Variants in DOCK8 observed in about 807,000 individuals in gnomAD.
DOCK8 encodes dedicator of cytokinesis 8.
In DOCK8, 141 loss-of-function variants were observed where a neutral mutation model predicts 245.6. That is an observed-to-expected ratio of 0.57 (90% CI 0.50 to 0.66). DOCK8 has a LOEUF of 0.66. Among genes scored for constraint, DOCK8 ranks in the 30% least tolerant of loss-of-function variants. DOCK8 has a pLI of 0.00. For missense variants in DOCK8, 2,965 were observed against 2,603.4 expected (o/e 1.14, Z -3.02); for synonymous variants, 1,168 against 970.2 (o/e 1.20, Z -3.79).
intron 46 of DOCK8, among the ~76,000 whole-genome samples, chr9:458,899 G>A (rs531174921): frequency 6.6e-6 from 1 of 152,276 alleles, no homozygotes; most frequent in African/African-American, 2.4e-5. Flanking sequence ...TATAAATGGA[G>A]GCCCCAAAAT....
intron 9 of DOCK8, among the ~76,000 whole-genome samples, chr9:330,495 G>A (rs908747639): frequency 5.9e-5 from 9 of 152,206 alleles, no homozygotes; most frequent in Admixed American, 5.9e-4. Context: ...TTCCTATTTT[G>A]CTACATTTGC....
chr9:388,464 C>G (rs573498599), intron 23 of DOCK8, among the ~76,000 whole-genome samples: 1 of 152,234 alleles, frequency 6.6e-6, no homozygotes, highest in South Asian at 2.1e-4. Flanking sequence ...TTCCTTTTGT[C>G]ATCTTTTAGT....
chr9:329,767 C>T (rs745363142), intron 9 of DOCK8, among the ~76,000 whole-genome samples: 3 of 152,124 alleles, frequency 2.0e-5, no homozygotes, highest in Non-Finnish European at 4.4e-5. Context: ...TTGATTAATC[C>T]GTCATATTCT....
chr9:323,218 CTTTT>C (rs1164158230), intron 7 of DOCK8, among the ~76,000 whole-genome samples: 26 of 67,236 alleles, frequency 3.9e-4, no homozygotes, highest in African/African-American at 8.3e-4. Flanking sequence ...AATCTACCAT[CTTTT>C]TTTTTTTTTT....
chr9:446,224 G>A (rs2057252846), intron 43 of DOCK8, 146 bp from the exon 44 acceptor site: 2 of 753,274 alleles, frequency 2.7e-6, no homozygotes, highest in African/African-American at 1.7e-5. Context: ...AACTTCTGCT[G>A]GCCACATTCT....
rs1427585904 is a variant in DOCK8 at position 332,429 on chromosome 9, G to C, written c.1076G>C (p.Gly359Ala). The C allele has an allele frequency of 1.1e-5, 18 of 1,613,292 alleles. No homozygotes were observed. Among genetic ancestry groups the C allele is most frequent in the Non-Finnish European group, 1.5e-5 (18 of 1,179,498 alleles). The stretch of plus-strand genomic sequence containing the variant: ...AAAGTCCTGCAGCAGGGAGAGATTG[G>C]AGACTGTGCAGAGCCCTACACGGTT... Reference protein sequence around the residue: ...IEKVLQQGEIGDCAEPYTVIK... With the variant: ...IEKVLQQGEIADCAEPYTVIK... Residue 359 changes from glycine (G) to alanine (A), a missense_variant, in exon 10 of 48, where the codon GGA becomes GCA. Gly to Ala is a moderately conservative substitution (Grantham distance 60). This residue lies in a region of DOCK8 where 2,825 missense variants were observed against 2,453.5 expected (regional missense o/e 1.15). Coordinates refer to ENST00000432829, the MANE Select transcript of DOCK8 (RefSeq NM_203447.4).
intron 5 of DOCK8, among the ~76,000 whole-genome samples, chr9:305,322 G>T (rs112977467): frequency 6.7e-6 from 1 of 149,900 alleles, no homozygotes; most frequent in Non-Finnish European, 1.5e-5. Context: ...TCGCTCTGTC[G>T]CCCAGGCTGG....
At chr9:371,872 A>G (rs549329068) in intron 17 of DOCK8, among the ~76,000 whole-genome samples, 3 of 152,358 alleles carry the variant, frequency 2.0e-5, no homozygotes, top group Admixed American at 2.0e-4. Context: ...TTGTCCCCCA[A>G]GAAGAAACCA....
chr9:263,099 C>G (rs947991503), intron 1 of DOCK8, among the ~76,000 whole-genome samples: 5 of 152,034 alleles, frequency 3.3e-5, no homozygotes, highest in South Asian at 2.1e-4. Context: ...CTCAGCTACT[C>G]AGGAGGCTGA....
chr9:234,742 C>T (rs2047206195), intron 1 of DOCK8, among the ~76,000 whole-genome samples: 1 of 152,176 alleles, frequency 6.6e-6, no homozygotes, highest in Non-Finnish European at 1.5e-5. Flanking sequence ...TGGTTTTCAG[C>T]TCCATCAGGT....
chr9:436,668 C>A lies in DOCK8; in HGVS notation c.5079+1693C>A, dbSNP rs145803663. Among the ~76,000 whole-genome samples, 462 of 152,310 alleles carry A rather than the reference C, an allele frequency of 3.0e-3. 2 individuals are homozygous for A. The highest frequency in any genetic ancestry group is 0.011 in the African/African-American group (446 of 41,572). ...CTAATAATGACATGCCAAAGTGAAT[C>A]ATTATTACACAATCAACAGAAATAT... On this transcript the variant is annotated intron_variant, in intron 39 of 47. Coordinates refer to ENST00000432829, the MANE Select transcript of DOCK8 (RefSeq NM_203447.4).
chr9:431,899 G>A (rs1677866200), intron 36 of DOCK8, among the ~76,000 whole-genome samples: 1 of 152,194 alleles, frequency 6.6e-6, no homozygotes, highest in African/African-American at 2.4e-5. Flanking sequence ...CTTCCAGCTT[G>A]CAGCACAAAG....
intron 37 of DOCK8, among the ~76,000 whole-genome samples, chr9:433,050 G>C (rs193098206): frequency 1.3e-5 from 2 of 152,314 alleles, no homozygotes; most frequent in East Asian, 3.9e-4. Context: ...CCTATTTCCG[G>C]AGTCTGTTTT....
At position 304,259 on chromosome 9, in the gene DOCK8, C is replaced by G. The variant is rs114846681; in HGVS notation, c.405-322C>G. Among the ~76,000 whole-genome samples, 2,142 of 152,326 alleles carry G rather than the reference C, an allele frequency of 0.014. 58 individuals are homozygous for G. The highest frequency in any genetic ancestry group is 0.05 in the African/African-American group (2,072 of 41,566). ...CACATTGCTAGATTTATTCCAGCCA[C>G]TTACACTAGGGTCATAGTTTAGCTT... On this transcript the variant is annotated intron_variant, in intron 4 of 47. Coordinates refer to ENST00000432829, the MANE Select transcript of DOCK8 (RefSeq NM_203447.4).
Position 292,501 on chromosome 9 carries a change from C to A in DOCK8, c.404+2920C>A, listed in dbSNP as rs2049089700. Reference sequence around the variant, plus strand: ...CCAATTTTATTTGATAAAAGGTTGTCTTTTTTTTCATTTTCTTTTACTATT... The same window carrying A: ...CCAATTTTATTTGATAAAAGGTTGTATTTTTTTTCATTTTCTTTTACTATT... On this transcript the variant is annotated intron_variant, in intron 4 of 47. Coordinates refer to ENST00000432829, the MANE Select transcript of DOCK8 (RefSeq NM_203447.4). Among the ~76,000 whole-genome samples the A allele has an allele frequency of 2.1e-5, 3 of 142,154 alleles. No homozygotes were observed. In the Admixed American group the frequency reaches 2.1e-4, roughly 10 times the overall value. 93.3% of individuals were successfully genotyped at this position (142,154 alleles called of 152,430 possible).
intron 46 of DOCK8, among the ~76,000 whole-genome samples, chr9:459,039 T>C (rs1274048398): frequency 6.6e-6 from 1 of 152,184 alleles, no homozygotes; most frequent in Non-Finnish European, 1.5e-5. Context: ...TCTAAGAAAA[T>C]ACTTGTGTTC....
intron 26 of DOCK8, among the ~76,000 whole-genome samples, chr9:400,240 AC>A (rs2054794695): frequency 9.9e-6 from 1 of 101,406 alleles, no homozygotes. Flanking sequence ...CACCATCACC[AC>A]CACCTCCACC....
At chr9:382,019 A>G (rs2053739631) in intron 21 of DOCK8, among the ~76,000 whole-genome samples, 1 of 152,166 alleles carries the variant, frequency 6.6e-6, no homozygotes, top group Admixed American at 6.5e-5. Flanking sequence ...TTGTGAAAAC[A>G]TGTCAACATT....
At chr9:448,429 C>T (rs4741958) in intron 44 of DOCK8, among the ~76,000 whole-genome samples, 26 of 152,012 alleles carry the variant, frequency 1.7e-4, no homozygotes, top group African/African-American at 6.3e-4. Context: ...GGCCTTCCTT[C>T]GTTCCCCAAC....
Sources: gnomAD v4.1 joint callset for allele counts (sites outside exome capture counted in the v4.1 genomes callset) on GRCh38, gnomAD v4.1.1 for gene constraint, gnomAD v4.1.1 regional missense constraint, MANE v1.5 for transcripts, NCBI Gene and HGNC (gene_info 2026-07-23, HGNC 2026-07-21) for gene names.